AREG: variants seen among roughly 807,000 people sequenced by gnomAD.
AREG encodes amphiregulin B.
A neutral mutation model predicts 28.0 loss-of-function variants in AREG; 16 were observed. The ratio of observed to expected loss-of-function variants is 0.57; its 90% CI spans 0.39 to 0.87. The LOEUF is 0.87. AREG is among the 40% of genes least tolerant of loss of function. The pLI is 0.00. For missense variants in AREG, 287 were observed against 309.1 expected (o/e 0.93, Z 0.53); for synonymous variants, 113 against 113.5 (o/e 1.00, Z 0.02).
chr4:74,445,554 A>G, intron 1 of AREG, 148 bp downstream of exon 1: 1 of 1,458,574 alleles, frequency 6.9e-7, no homozygotes, highest in South Asian at 1.4e-5. Flanking sequence ...CCTCCCTAGG[A>G]GGAAAAGAGA....
Position 74,452,570 on chromosome 4 carries a change from A to T in AREG, c.692A>T (p.Tyr231Phe), listed in dbSNP as rs1195003925. 2 of 1,613,488 alleles carry T rather than the reference A, an allele frequency of 1.2e-6. No individual in the cohort carries two copies. Among genetic ancestry groups the T allele is most frequent in the African/African-American group, 1.3e-5 (1 of 74,932 alleles). Residue 231 changes from tyrosine to phenylalanine, a missense_variant, in exon 5 of 6, where the codon TAT becomes TTT. Tyr to Phe is a conservative substitution (Grantham distance 22). Coordinates refer to ENST00000395748, the MANE Select transcript of AREG (RefSeq NM_001657.4). The stretch of plus-strand genomic sequence containing the variant: ...CTTAGAAGACAATACGTCAGGAAAT[A>T]TGAAGGAGAAGCTGAGGAACGAAAG... The part of the protein sequence containing the change: ...VQLRRQYVRK[Y>F]EGEAEERKKL...
chr4:74,454,727 T>TTATTA (rs1320325123), intron 5 of AREG, 32 bp from the exon 6 acceptor site: 1 of 664,114 alleles, frequency 1.5e-6, no homozygotes, highest in Non-Finnish European at 2.7e-6. Context: ...TTGTTTTATT[T>TTATTA]TATTATTTTA....
At chr4:74,449,726 G>T (rs1465987958) in intron 3 of AREG, among the ~76,000 whole-genome samples, 7 of 152,134 alleles carry the variant, frequency 4.6e-5, no homozygotes, top group Non-Finnish European at 7.4e-5. Context: ...CTACACTCCA[G>T]CCTGGGAGAC....
intron 4 of AREG, among the ~76,000 whole-genome samples, chr4:74,452,065 A>G (rs908683034): frequency 2.0e-5 from 3 of 152,194 alleles, no homozygotes; most frequent in African/African-American, 7.2e-5. Context: ...TAAATAATTG[A>G]GTTTTTAAAG....
At position 74,449,068 on chromosome 4, in the gene AREG, C is replaced by G. The variant is rs1039263690; in HGVS notation, c.332C>G (p.Pro111Arg). 1.2e-5 allele frequency: 20 copies of G among 1,609,270 alleles called. No homozygotes were observed. The highest frequency in any genetic ancestry group is 1.6e-5 in the Non-Finnish European group (19 of 1,179,228). ...TTAGTTGAACAGGTAGTTAAGCCCC[C>G]CCAAAACAAGACGGAAAGTGAAAAT... ...SVRVEQVVKP[P>R]QNKTESENTS... Residue 111 changes from proline to arginine, a missense_variant, in exon 3 of 6, where the codon CCC becomes CGC. Physicochemically the swap from Pro to Arg is moderately radical, Grantham distance 103. Coordinates refer to ENST00000395748, the MANE Select transcript of AREG (RefSeq NM_001657.4).
intron 5 of AREG, among the ~76,000 whole-genome samples, chr4:74,454,456 C>G (rs958184700): frequency 6.6e-6 from 1 of 152,164 alleles, no homozygotes; most frequent in South Asian, 2.1e-4. Flanking sequence ...GTTAGGAAAA[C>G]TATTTCTCAT....
At chr4:74,448,349 T>C (rs1449690022) in intron 2 of AREG, among the ~76,000 whole-genome samples, 1 of 152,254 alleles carries the variant, frequency 6.6e-6, no homozygotes, top group African/African-American at 2.4e-5. Flanking sequence ...TTATTTTCCA[T>C]TTCCTTAATC....
Position 74,445,221 on chromosome 4 carries a change from C to A in AREG, c.-125C>A. ...GCCCGCCGCCCCGAGCTCCCCAAGC[C>A]TTCGAGAGCGGCGCACACTCCCGGT... On this transcript the variant is annotated 5_prime_UTR_variant, in exon 1 of 6. Coordinates refer to ENST00000395748, the MANE Select transcript of AREG (RefSeq NM_001657.4). 6.6e-7 allele frequency: 1 copy of A among 1,524,908 alleles called. No homozygotes were observed. Among genetic ancestry groups the A allele is most frequent in the Non-Finnish European group, 8.8e-7 (1 of 1,131,876 alleles). 94.5% of individuals were successfully genotyped at this position (1,524,908 alleles called of 1,614,324 possible). A position where few individuals can be genotyped will look rare whatever the true frequency, so the allele number is the denominator to read the frequency against.
rs912017437 is a variant in AREG at position 74,449,065 on chromosome 4, C to T, written c.329C>T (p.Pro110Leu). ...DSVRVEQVVK[P>L]PQNKTESENT... is the part of the protein sequence containing the mutation. ...TTTTTAGTTGAACAGGTAGTTAAGC[C>T]CCCCCAAAACAAGACGGAAAGTGAA... Residue 110 changes from proline (P) to leucine (L), a missense_variant, in exon 3 of 6, where the codon CCC becomes CTC. Physicochemically the swap from Pro to Leu is moderately conservative, Grantham distance 98. Coordinates refer to ENST00000395748, the MANE Select transcript of AREG (RefSeq NM_001657.4). The T allele has an allele frequency of 8.0e-5, 129 of 1,608,750 alleles. No homozygotes were observed. The highest frequency in any genetic ancestry group is 1.6e-4 in the Middle Eastern group (1 of 6,078).
In AREG at chr4:74,454,252, C is replaced by T. The variant is rs1041823061; in HGVS notation, c.*19-507C>T. ...AGGATGGATTTTTGGTTATTTGCCA[C>T]TGAGATTTTTTAGCATAGATCCCAG... On this transcript the variant is annotated intron_variant, in intron 5 of 5. Coordinates refer to ENST00000395748, the MANE Select transcript of AREG (RefSeq NM_001657.4). Among the ~76,000 whole-genome samples the T allele has an allele frequency of 8.5e-5, 13 of 152,246 alleles. No individual in the cohort carries two copies. In the East Asian group the frequency reaches 2.1e-3, roughly 25 times the overall value.
intron 5 of AREG, among the ~76,000 whole-genome samples, chr4:74,454,351 T>C (rs1719426308): frequency 1.3e-5 from 2 of 152,238 alleles, no homozygotes; most frequent in Non-Finnish European, 2.9e-5. Flanking sequence ...ACTATTATTA[T>C]GCCCTTGGTA....
At chr4:74,450,262 G>A in intron 3 of AREG, 118 bp from the exon 4 acceptor site, 1 of 1,504,610 alleles carries the variant, frequency 6.6e-7, no homozygotes, top group Non-Finnish European at 9.2e-7. Context: ...TAAAATACGA[G>A]TATATGGCAT....
chr4:74,450,431 T>C lies in AREG; in HGVS notation c.564T>C (p.Thr188=). 6.2e-7 allele frequency: 1 copy of C among 1,613,984 alleles called. No individual in the cohort carries two copies. Among genetic ancestry groups the C allele is most frequent in the Non-Finnish European group, 8.5e-7 (1 of 1,179,854 alleles). ...GGTGTGGGGAAAAGTCCATGAAAAC[T>C]CACAGCATGATTGACAGTAGTTTAT... ...GERCGEKSMK[T]HSMIDSSLSK... Residue 188 remains threonine (T), a synonymous_variant, in exon 4 of 6, where the codon ACT becomes ACC. Transcript: ENST00000395748.
At chr4:74,449,387 T>G in intron 3 of AREG, 139 bp downstream of exon 3, 1 of 1,457,666 alleles carries the variant, frequency 6.9e-7, no homozygotes, top group South Asian at 1.3e-5. Context: ...ATAGTAAATA[T>G]TATAGGCTTA....
chr4:74,445,474 C>T, intron 1 of AREG, 68 bp downstream of exon 1: 1 of 1,557,220 alleles, frequency 6.4e-7, no homozygotes, highest in East Asian at 2.4e-5. Context: ...TTGAGTTTGG[C>T]TCTTGCTTCT....
chr4:74,448,966 T>A lies in AREG; in HGVS notation c.311-81T>A, dbSNP rs1003331896. On this transcript the variant is annotated intron_variant, in intron 2 of 5. Coordinates refer to ENST00000395748, the MANE Select transcript of AREG (RefSeq NM_001657.4). ...GGCTGTTACCCCTGTGAGCGCTCAC[T>A]GCTATGACATCTTTCTCTCATGTCT... The A allele has an allele frequency of 1.1e-5, 17 of 1,583,368 alleles. No homozygotes were observed. The African/African-American group carries it at 2.2e-4, about 20-fold the overall frequency.
chr4:74,453,877 G>A (rs1349863290), intron 5 of AREG, among the ~76,000 whole-genome samples: 1 of 149,610 alleles, frequency 6.7e-6, no homozygotes, highest in East Asian at 2.0e-4. Flanking sequence ...CCAAGATCGC[G>A]CCATTGCACT....
In AREG at chr4:74,452,603, G is replaced by A. The variant is rs905718699; in HGVS notation, c.725G>A (p.Arg242Gln). The change falls in exon 5 of 6, where the codon CGA becomes CAA. Residue 242 changes from arginine (R) to glutamine (Q), a missense_variant. Coordinates refer to ENST00000395748, the MANE Select transcript of AREG (RefSeq NM_001657.4). ...EGEAEERKKL[R>Q]QENGNVHAIA Reference sequence around the variant, plus strand: ...GAAGCTGAGGAACGAAAGAAACTTCGACAAGAGAATGGAAATGTACATGCT... The same window carrying A: ...GAAGCTGAGGAACGAAAGAAACTTCAACAAGAGAATGGAAATGTACATGCT... 1.9e-5 allele frequency: 30 copies of A among 1,613,364 alleles called. No individual in the cohort carries two copies. Among genetic ancestry groups the A allele is most frequent in the African/African-American group, 6.7e-5 (5 of 74,878 alleles).
In AREG at chr4:74,445,247, C is replaced by A. The variant is rs1719248981; in HGVS notation, c.-99C>A. The A allele has an allele frequency of 1.3e-6, 2 of 1,549,200 alleles. No homozygotes were observed. Among genetic ancestry groups the A allele is most frequent in the Non-Finnish European group, 1.7e-6 (2 of 1,146,932 alleles). On this transcript the variant is annotated 5_prime_UTR_variant, in exon 1 of 6. Transcript: ENST00000395748. ...TTCGAGAGCGGCGCACACTCCCGGTCTCCACTCGCTCTTCCAACACCCGCT... is the reference window on the plus strand; with the variant it reads ...TTCGAGAGCGGCGCACACTCCCGGTATCCACTCGCTCTTCCAACACCCGCT...
Sources: allele counts gnomAD v4.1 joint callset (sites outside exome capture counted in the v4.1 genomes callset), GRCh38; gene constraint gnomAD v4.1.1; transcripts MANE v1.5; gene names NCBI Gene and HGNC (gene_info 2026-07-23, HGNC 2026-07-21).